The following VPS13B variants were observed in gnomAD, a reference collection of about 807,000 sequenced individuals.
VPS13B encodes the protein intermembrane lipid transfer protein VPS13B.
In VPS13B, 285 loss-of-function variants were observed where a neutral mutation model predicts 426.4. The ratio of observed to expected loss-of-function variants is 0.67; its 90% CI spans 0.61 to 0.74. VPS13B has a LOEUF of 0.74. Among genes scored for constraint, VPS13B ranks in the 30% least tolerant of loss-of-function variants. The pLI, the probability that VPS13B is intolerant of heterozygous loss-of-function variation, is 0.00. For synonymous variants in VPS13B, 1,676 were observed against 1,676.4 expected (o/e 1.00, Z 0.01); for missense variants, 4,537 against 4,782.6 (o/e 0.95, Z 1.51).
intron 43 of VPS13B, among the ~76,000 whole-genome samples, chr8:99,791,720 TAAAAA>T (rs1163608239): frequency 1.1e-5 from 1 of 90,072 alleles, no homozygotes; most frequent in Non-Finnish European, 2.3e-5. Context: ...GAACAGAACT[TAAAAA>T]AAAAAAAAAA....
intron 31 of VPS13B, among the ~76,000 whole-genome samples, chr8:99,559,601 A>G (rs1824783610): frequency 6.6e-6 from 1 of 152,102 alleles, no homozygotes; most frequent in Non-Finnish European, 1.5e-5. Flanking sequence ...TAAGGAAGGG[A>G]TTGAGTTTCA....
chr8:99,039,398 G>T (rs1410031204), intron 3 of VPS13B, among the ~76,000 whole-genome samples: 1 of 151,390 alleles, frequency 6.6e-6, no homozygotes, highest in African/African-American at 2.4e-5. Flanking sequence ...GTGTTTTTTT[G>T]CAGATGTAAT....
Position 99,832,517 on chromosome 8 carries a change from T to C in VPS13B, c.9479T>C (p.Met3160Thr). 6.2e-7 allele frequency: 1 copy of C among 1,613,870 alleles called. No individual in the cohort carries two copies. The highest frequency in any genetic ancestry group is 8.5e-7 in the Non-Finnish European group (1 of 1,180,002). Residue 3160 changes from methionine (M) to threonine (T), a missense_variant, in exon 52 of 62, where the codon ATG becomes ACG. Around this residue, in one of 2 missense-constraint regions of VPS13B, gnomAD observed 4,311 missense variants for 4,474.3 expected, o/e 0.96. Transcript: ENST00000357162. ...GCATCCCTGCTTCAGAAACAGATCA[T>C]GCTGGGCTTTTCTCCTGCCCCAGGT... The part of the protein sequence containing the change: ...LDASLLQKQI[M>T]LGFSPAPGAD...
intron 22 of VPS13B, 31 bp from the exon 23 acceptor site, chr8:99,442,370 C>T (rs375178059): frequency 9.1e-5 from 145 of 1,592,418 alleles, no homozygotes; most frequent in Admixed American, 2.8e-4. Context: ...TAGTCTAATC[C>T]GAATATTTTA....
In VPS13B at chr8:99,717,246, G is replaced by A. The variant is rs147099791; in HGVS notation, c.6530G>A (p.Arg2177His). 5.6e-5 allele frequency: 91 copies of A among 1,613,852 alleles called. 1 individual carries two copies. Among genetic ancestry groups the A allele is most frequent in the Middle Eastern group, 5.0e-4 (3 of 6,058 alleles). The change falls in exon 37 of 62, where the codon CGC (arginine) becomes CAC (histidine). Residue 2177 changes from arginine to histidine, a missense_variant. By Grantham distance (29) the Arg-to-His change is conservative. Coordinates refer to ENST00000357162, the MANE Select transcript of VPS13B (RefSeq NM_152564.5). The stretch of plus-strand genomic sequence containing the variant: ...AAAACAAGTCTCAAAGAAAGAAGCC[G>A]CATTCTGATAGGACCATGTTGTGCT... ...LLKTSLKERSRILIGPCCATA... is the reference protein window; with the variant it reads ...LLKTSLKERSHILIGPCCATA...
chr8:99,561,948 C>T (rs1563797638), intron 31 of VPS13B, among the ~76,000 whole-genome samples: 1 of 152,156 alleles, frequency 6.6e-6, no homozygotes. Context: ...ATTACAGGGT[C>T]ATATGGCAAT....
intron 31 of VPS13B, among the ~76,000 whole-genome samples, chr8:99,571,597 G>A (rs1406326854): frequency 6.6e-6 from 1 of 151,928 alleles, no homozygotes; most frequent in Admixed American, 6.6e-5. Flanking sequence ...ATTGCCCTTG[G>A]TTGTTAGTGT....
intron 19 of VPS13B, among the ~76,000 whole-genome samples, chr8:99,286,276 A>C (rs1024313743): frequency 4.1e-4 from 62 of 152,184 alleles, no homozygotes; most frequent in African/African-American, 1.4e-3. Context: ...TCATTTCTGA[A>C]TTGCTCTATG....
At chr8:99,501,895 T>TCCCTCCCTCCCTCC (rs1422666158) in intron 26 of VPS13B, 37 bp downstream of exon 26, 1 of 1,482,554 alleles carries the variant, frequency 6.7e-7, no homozygotes, top group African/African-American at 1.9e-5. Flanking sequence ...TCCCTCCCTC[T>TCCCTCCCTCCCTCC]GTCCCTCCCT....
chr8:99,781,976 T>A (rs1812044886), intron 42 of VPS13B, among the ~76,000 whole-genome samples: 1 of 152,146 alleles, frequency 6.6e-6, no homozygotes, highest in African/African-American at 2.4e-5. Flanking sequence ...AATTACATAC[T>A]ATGATTCCAG....
intron 17 of VPS13B, among the ~76,000 whole-genome samples, chr8:99,223,193 G>A (rs1222660456): frequency 1.3e-5 from 2 of 152,034 alleles, no homozygotes; most frequent in Non-Finnish European, 2.9e-5. Flanking sequence ...TTATTTTACT[G>A]TGTATTAGGA....
intron 16 of VPS13B, among the ~76,000 whole-genome samples, chr8:99,191,809 G>A (rs1451492099): frequency 6.6e-6 from 1 of 152,154 alleles, no homozygotes; most frequent in Non-Finnish European, 1.5e-5. Context: ...TGATTGCAAA[G>A]TAGTTTGCTG....
intron 15 of VPS13B, among the ~76,000 whole-genome samples, chr8:99,160,601 T>G (rs1461725092): frequency 7.2e-6 from 1 of 139,786 alleles, no homozygotes; most frequent in South Asian, 2.2e-4. Context: ...CAGTGAGCTG[T>G]GATGGCGCCA....
At chr8:99,678,685 C>G (rs1831040428) in intron 35 of VPS13B, among the ~76,000 whole-genome samples, 1 of 152,042 alleles carries the variant, frequency 6.6e-6, no homozygotes, top group Non-Finnish European at 1.5e-5. Flanking sequence ...GTGCTCAATG[C>G]CTACATTTAT....
At chr8:99,570,575 T>A (rs902563676) in intron 31 of VPS13B, among the ~76,000 whole-genome samples, 1 of 151,934 alleles carries the variant, frequency 6.6e-6, no homozygotes, top group Non-Finnish European at 1.5e-5. Flanking sequence ...TTTTCTTATG[T>A]TTTTTTAATT....
At chr8:99,743,627 A>G (rs972636258) in intron 39 of VPS13B, among the ~76,000 whole-genome samples, 5 of 152,230 alleles carry the variant, frequency 3.3e-5, no homozygotes, top group Non-Finnish European at 7.3e-5. Context: ...AAATAGAGAT[A>G]CAGACCAATG....
intron 17 of VPS13B, among the ~76,000 whole-genome samples, chr8:99,267,514 G>T (rs1487506360): frequency 6.6e-6 from 1 of 152,152 alleles, no homozygotes; most frequent in Non-Finnish European, 1.5e-5. Flanking sequence ...AAGATCAAAA[G>T]ATCAGGAGAT....
chr8:99,369,693 T>C (rs1181231983), intron 19 of VPS13B, among the ~76,000 whole-genome samples: 1 of 152,212 alleles, frequency 6.6e-6, no homozygotes, highest in Admixed American at 6.5e-5. Context: ...TATATACTCG[T>C]TGGGGATACT....
intron 30 of VPS13B, among the ~76,000 whole-genome samples, chr8:99,555,071 G>A (rs922008913): frequency 6.6e-5 from 10 of 151,994 alleles, no homozygotes; most frequent in Middle Eastern, 3.2e-3. Flanking sequence ...CCCTTTTCCC[G>A]TGTTCATAAC....
Sources: allele counts gnomAD v4.1 joint callset (sites outside exome capture counted in the v4.1 genomes callset), GRCh38; gene constraint gnomAD v4.1.1; regional missense constraint gnomAD v4.1.1; transcripts MANE v1.5; gene names NCBI Gene and HGNC (gene_info 2026-07-23, HGNC 2026-07-21).